TIMP3: variants seen among roughly 807,000 people sequenced by gnomAD.
TIMP3 encodes the protein TIMP metallopeptidase inhibitor 3.
In TIMP3, 11 loss-of-function variants were observed where a neutral mutation model predicts 30.0. The observed-to-expected ratio is 0.37, with a 90% CI of 0.23 to 0.61. TIMP3 has a LOEUF of 0.61. TIMP3 is among the 20% of genes least tolerant of loss of function. The pLI is 0.70. For synonymous variants in TIMP3, 112 were observed against 111.3 expected (o/e 1.01, Z -0.04); for missense variants, 181 against 276.8 (o/e 0.65, Z 2.45).
intron 1 of TIMP3, among the ~76,000 whole-genome samples, chr22:32,820,731 G>T (rs2047223433): frequency 6.6e-6 from 1 of 152,158 alleles, no homozygotes; most frequent in Admixed American, 6.5e-5. Flanking sequence ...TGGGGCTTGG[G>T]ATATGTTTTA....
chr22:32,813,486 TACACACACACACACACACACACACAC>T (rs130277), intron 1 of TIMP3, among the ~76,000 whole-genome samples: 2 of 138,184 alleles, frequency 1.4e-5, no homozygotes, highest in African/African-American at 5.6e-5. Flanking sequence ...TCTGAAAAGA[TACACACACACACACACACACACACAC>T]ACACACACAC....
At chr22:32,839,206 T>G (rs1385011615) in intron 1 of TIMP3, among the ~76,000 whole-genome samples, 2 of 152,032 alleles carry the variant, frequency 1.3e-5, no homozygotes, top group African/African-American at 4.8e-5. Context: ...GCCATATATA[T>G]GCCACCGAGC....
chr22:32,853,041 G>A (rs530950853), intron 2 of TIMP3, among the ~76,000 whole-genome samples: 15 of 152,324 alleles, frequency 9.8e-5, no homozygotes, highest in Admixed American at 5.9e-4. Context: ...TGCTTTGCAT[G>A]TCCTGACTGT....
intron 2 of TIMP3, among the ~76,000 whole-genome samples, chr22:32,853,311 T>C (rs1012640559): frequency 3.3e-5 from 5 of 152,208 alleles, no homozygotes; most frequent in Admixed American, 3.3e-4. Context: ...ATGGCCGTGA[T>C]AGCTCGGTCG....
intron 1 of TIMP3, among the ~76,000 whole-genome samples, chr22:32,804,200 T>C (rs1370566652): frequency 6.6e-6 from 1 of 152,192 alleles, no homozygotes; most frequent in Non-Finnish European, 1.5e-5. Flanking sequence ...TCCCAAATTG[T>C]TCTGCCTGGG....
rs1334241013 is a variant in TIMP3 at position 32,859,845 on chromosome 22, G to A, written c.*468G>A. ...CTTGCTGAAAGGCCAACCATTTCAG[G>A]ATCAGTCAAAGGCAGCAAGCAGATA... On this transcript the variant is annotated 3_prime_UTR_variant, in exon 5 of 5. Coordinates refer to ENST00000266085, the MANE Select transcript of TIMP3 (RefSeq NM_000362.5). 7 of 192,100 alleles carry A rather than the reference G, an allele frequency of 3.6e-5. No homozygotes were observed. The highest frequency in any genetic ancestry group is 6.5e-5 in the Non-Finnish European group (6 of 92,796). The allele number at this position is 192,100 out of a possible 1,614,324, so 11.9% of individuals were successfully genotyped here. A position where few individuals can be genotyped will look rare whatever the true frequency, so the allele number is the denominator to read the frequency against.
At position 32,859,678 on chromosome 22, in the gene TIMP3, T is replaced by G. The variant is rs542228740; in HGVS notation, c.*301T>G. 1 of 384,816 alleles carries G rather than the reference T, an allele frequency of 2.6e-6. No homozygotes were observed. The highest frequency in any genetic ancestry group is 5.1e-5 in the East Asian group (1 of 19,444). 23.8% of individuals were successfully genotyped at this position (384,816 alleles called of 1,614,324 possible). Reference sequence around the variant, plus strand: ...TCTTCGTGATAATATAATCTCTATTTTTTTAGGAAAACAAAAATGAAAAAC... The same window carrying G: ...TCTTCGTGATAATATAATCTCTATTGTTTTAGGAAAACAAAAATGAAAAAC... On this transcript the variant is annotated 3_prime_UTR_variant, in exon 5 of 5. Coordinates refer to ENST00000266085, the MANE Select transcript of TIMP3 (RefSeq NM_000362.5).
chr22:32,842,790 C>T (rs901267015), intron 1 of TIMP3, among the ~76,000 whole-genome samples: 1 of 151,998 alleles, frequency 6.6e-6, no homozygotes, highest in Non-Finnish European at 1.5e-5. Context: ...ACAGATGATA[C>T]GATATACTGT....
intron 1 of TIMP3, among the ~76,000 whole-genome samples, chr22:32,806,603 T>G (rs534239989): frequency 6.6e-6 from 1 of 152,322 alleles, no homozygotes; most frequent in East Asian, 1.9e-4. Context: ...TGTGTGTGCC[T>G]AGGCACATAT....
intron 2 of TIMP3, among the ~76,000 whole-genome samples, chr22:32,856,328 G>A (rs1268054847): frequency 1.3e-5 from 2 of 152,158 alleles, no homozygotes; most frequent in Non-Finnish European, 2.9e-5. Context: ...GGGTATGGCT[G>A]GCTGCACAGG....
chr22:32,813,855 C>T (rs1479134942), intron 1 of TIMP3, among the ~76,000 whole-genome samples: 1 of 152,026 alleles, frequency 6.6e-6, no homozygotes, highest in Non-Finnish European at 1.5e-5. Context: ...GTACTCTTAA[C>T]CTCATAGGTT....
intron 1 of TIMP3, among the ~76,000 whole-genome samples, chr22:32,808,662 C>T (rs2046830811): frequency 6.6e-6 from 1 of 152,162 alleles, no homozygotes; most frequent in Non-Finnish European, 1.5e-5. Flanking sequence ...CCATGACACC[C>T]CCTCGGTTTT....
intron 1 of TIMP3, among the ~76,000 whole-genome samples, chr22:32,838,902 C>T (rs766715751): frequency 3.3e-5 from 5 of 151,622 alleles, no homozygotes; most frequent in African/African-American, 1.2e-4. Flanking sequence ...CGGTAATTAG[C>T]GATGCTAGTG....
intron 1 of TIMP3, among the ~76,000 whole-genome samples, chr22:32,808,342 TG>T (rs1183342385): frequency 1.3e-5 from 2 of 152,170 alleles, no homozygotes; most frequent in Non-Finnish European, 2.9e-5. Flanking sequence ...TCTCCCTTCT[TG>T]TTGCCTATGG....
chr22:32,838,824 T>C (rs2047811707), intron 1 of TIMP3, among the ~76,000 whole-genome samples: 1 of 151,844 alleles, frequency 6.6e-6, no homozygotes, highest in Non-Finnish European at 1.5e-5. Context: ...TTCAACATTT[T>C]TGGGAACCCT....
At chr22:32,806,591 G>T (rs1260671193) in intron 1 of TIMP3, among the ~76,000 whole-genome samples, 1 of 152,182 alleles carries the variant, frequency 6.6e-6, no homozygotes, top group African/African-American at 2.4e-5. Context: ...GGGCTTGTTG[G>T]CTGTGTGTGC....
chr22:32,852,843 A>C (rs915604582), intron 2 of TIMP3, among the ~76,000 whole-genome samples: 1 of 152,182 alleles, frequency 6.6e-6, no homozygotes, highest in African/African-American at 2.4e-5. Flanking sequence ...AAGTTTCCAG[A>C]ACTGGCTGCT....
At chr22:32,847,674 T>C (rs1269935914) in intron 1 of TIMP3, among the ~76,000 whole-genome samples, 1 of 152,204 alleles carries the variant, frequency 6.6e-6, no homozygotes, top group East Asian at 1.9e-4. Flanking sequence ...GGAAGGATAA[T>C]GGAGCTACCA....
intron 1 of TIMP3, among the ~76,000 whole-genome samples, chr22:32,824,881 G>T (rs148051095): frequency 6.6e-6 from 1 of 152,286 alleles, no homozygotes. Context: ...GACAACCAGA[G>T]TACTTTTATA....
Sources: allele counts gnomAD v4.1 joint callset (sites outside exome capture counted in the v4.1 genomes callset), GRCh38; gene constraint gnomAD v4.1.1; transcripts MANE v1.5; gene names NCBI Gene and HGNC (gene_info 2026-07-23, HGNC 2026-07-21).